Variants in ARB2A observed in about 807,000 individuals in gnomAD.
The protein encoded by ARB2A is cotranscriptional regulator ARB2A.
the ARB2A span, among the ~76,000 whole-genome samples, chr5:93,759,680 T>C: frequency 6.6e-6 from 1 of 152,162 alleles, no homozygotes; most frequent in Admixed American, 6.5e-5. Flanking sequence ...GAAATAGCAT[T>C]TGACAAAATC....
the ARB2A span, among the ~76,000 whole-genome samples, chr5:94,044,969 A>G: frequency 2.0e-5 from 3 of 151,636 alleles, no homozygotes; most frequent in African/African-American, 7.3e-5. Context: ...AAATACAAAA[A>G]TTAGCCAGGC....
chr5:93,833,195 T>C, the ARB2A span, among the ~76,000 whole-genome samples: 1 of 152,206 alleles, frequency 6.6e-6, no homozygotes, highest in South Asian at 2.1e-4. Context: ...AGATTATCTT[T>C]TTAATTCAAA....
the ARB2A span, among the ~76,000 whole-genome samples, chr5:93,973,564 A>T: frequency 1.3e-5 from 2 of 152,282 alleles, no homozygotes; most frequent in African/African-American, 4.8e-5. Flanking sequence ...AGAAATCCAG[A>T]GAACTCCTGC....
At chr5:93,795,654 C>T in the ARB2A span, among the ~76,000 whole-genome samples, 2 of 152,102 alleles carry the variant, frequency 1.3e-5, no homozygotes. Context: ...ACTCCATTGT[C>T]TTATTCATGT....
chr5:94,070,572 A>G, the ARB2A span, among the ~76,000 whole-genome samples: 6 of 152,232 alleles, frequency 3.9e-5, no homozygotes, highest in African/African-American at 1.4e-4. Context: ...TACACATTCT[A>G]TGCATATAAC....
At chr5:93,995,066 T>C in the ARB2A span, among the ~76,000 whole-genome samples, 6 of 152,166 alleles carry the variant, frequency 3.9e-5, no homozygotes, top group Non-Finnish European at 8.8e-5. Context: ...AAATACAGAA[T>C]GTACATGGCA....
the ARB2A span, among the ~76,000 whole-genome samples, chr5:93,665,720 A>G: frequency 6.6e-6 from 1 of 152,226 alleles, no homozygotes. Context: ...AAGACATCAT[A>G]GCGTGTCTGA....
chr5:93,789,920 A>ATTTTATCT, the ARB2A span, among the ~76,000 whole-genome samples: 1 of 152,254 alleles, frequency 6.6e-6, no homozygotes, highest in Non-Finnish European at 1.5e-5. Context: ...TAAAATGTGA[A>ATTTTATCT]GACCAAACTG....
the ARB2A span, among the ~76,000 whole-genome samples, chr5:93,814,630 T>A: frequency 6.6e-6 from 1 of 152,156 alleles, no homozygotes; most frequent in African/African-American, 2.4e-5. Context: ...TTCACAAATA[T>A]CCCCTATATT....
chr5:93,745,257 G>C, the ARB2A span, among the ~76,000 whole-genome samples: 2 of 152,042 alleles, frequency 1.3e-5, no homozygotes, highest in African/African-American at 2.4e-5. Flanking sequence ...CTATATTCTG[G>C]ACCACAGTGA....
At chr5:94,061,327 G>A in the ARB2A span, among the ~76,000 whole-genome samples, 12 of 152,252 alleles carry the variant, frequency 7.9e-5, no homozygotes, top group African/African-American at 1.7e-4. Context: ...GATAAGGAGC[G>A]TTTACCAAAA....
At chr5:93,783,687 A>G in the ARB2A span, among the ~76,000 whole-genome samples, 1 of 152,198 alleles carries the variant, frequency 6.6e-6, no homozygotes. Flanking sequence ...AAAGATAAAT[A>G]AAAATAAAAG....
At chr5:94,005,025 A>AAAAAAAAG in the ARB2A span, among the ~76,000 whole-genome samples, 1 of 110,088 alleles carries the variant, frequency 9.1e-6, no homozygotes, top group African/African-American at 3.7e-5. Flanking sequence ...AAAAAAAAAA[A>AAAAAAAAG]AGAGAGAGGA....
chr5:93,801,040 T>C, the ARB2A span, among the ~76,000 whole-genome samples: 2 of 152,160 alleles, frequency 1.3e-5, no homozygotes, highest in Non-Finnish European at 2.9e-5. Flanking sequence ...GTGCTCTTCA[T>C]TCTTAATCCT....
the ARB2A span, among the ~76,000 whole-genome samples, chr5:93,971,531 C>A: frequency 2.0e-5 from 3 of 151,302 alleles, no homozygotes; most frequent in African/African-American, 7.3e-5. Flanking sequence ...AGCGCCATTG[C>A]ACTCCAGCCT....
chr5:93,884,694 T>C, the ARB2A span, among the ~76,000 whole-genome samples: 13,612 of 151,616 alleles, frequency 0.09, 798 homozygotes, highest in Middle Eastern at 0.17. Flanking sequence ...ACATTCTCTG[T>C]AGAAATGAGA....
At chr5:93,904,844 T>C in the ARB2A span, among the ~76,000 whole-genome samples, 1 of 151,750 alleles carries the variant, frequency 6.6e-6, no homozygotes, top group East Asian at 1.9e-4. Context: ...GAAAATCTCA[T>C]TTATGCAGGT....
chr5:94,042,450 C>T, the ARB2A span, among the ~76,000 whole-genome samples: 9 of 151,256 alleles, frequency 6.0e-5, no homozygotes, highest in East Asian at 1.9e-4. Context: ...GGATTACAGG[C>T]GCCCGCCACC....
chr5:93,739,192 T>C, the ARB2A span: 3 of 151,954 alleles, frequency 2.0e-5, no homozygotes, highest in Non-Finnish European at 4.4e-5. Flanking sequence ...ATTGGGCTCC[T>C]GGTTTGCACT....
Sources: allele counts gnomAD v4.1 joint callset (sites outside exome capture counted in the v4.1 genomes callset), GRCh38; gene constraint gnomAD v4.1.1; transcripts MANE v1.5; gene names NCBI Gene and HGNC (gene_info 2026-07-23, HGNC 2026-07-21).